The following CCDC178 variants were observed in gnomAD, a reference collection of about 807,000 sequenced individuals.
CCDC178 encodes coiled-coil domain-containing protein 178.
Under a neutral mutation model 117.4 loss-of-function variants are expected in CCDC178, and 126 were observed. The ratio of observed to expected loss-of-function variants is 1.07; its 90% confidence interval spans 0.93 to 1.24. The LOEUF is 1.24. Among genes scored for constraint, CCDC178 ranks in the 50% most tolerant of loss-of-function variants. The pLI, the probability that CCDC178 is intolerant of heterozygous loss-of-function variation, is 0.00. For synonymous variants in CCDC178, 283 were observed against 313.4 expected (o/e 0.90, Z 1.02); for missense variants, 1,030 against 986.9 (o/e 1.04, Z -0.59).
chr18:33,036,285 T>C (rs1292498684), intron 21 of CCDC178, among the ~76,000 whole-genome samples: 1 of 151,834 alleles, frequency 6.6e-6, no homozygotes, highest in Non-Finnish European at 1.5e-5. Flanking sequence ...ATTCCCCTTG[T>C]GCCTGAAAAA....
At chr18:33,011,588 G>A (rs2055866262) in intron 21 of CCDC178, among the ~76,000 whole-genome samples, 2 of 151,638 alleles carry the variant, frequency 1.3e-5, no homozygotes, top group South Asian at 4.2e-4. Context: ...CACATCATTA[G>A]CAACATGAAA....
At chr18:33,177,167 G>C (rs1469301260) in intron 20 of CCDC178, among the ~76,000 whole-genome samples, 2 of 151,912 alleles carry the variant, frequency 1.3e-5, no homozygotes, top group Admixed American at 1.3e-4. Context: ...AGAACACATG[G>C]ACACAGGGAG....
intron 20 of CCDC178, among the ~76,000 whole-genome samples, chr18:33,166,791 C>T (rs1053082826): frequency 5.9e-5 from 9 of 152,118 alleles, no homozygotes; most frequent in Non-Finnish European, 1.0e-4. Flanking sequence ...GATTTTCTAA[C>T]TTTTAGGTTC....
intron 5 of CCDC178, among the ~76,000 whole-genome samples, chr18:33,389,256 A>G (rs995466935): frequency 1.3e-5 from 2 of 152,142 alleles, no homozygotes; most frequent in African/African-American, 4.8e-5. Context: ...GAAATGTTCT[A>G]TCTAGAACAG....
intron 12 of CCDC178, among the ~76,000 whole-genome samples, chr18:33,269,288 C>G (rs1341977910): frequency 6.6e-6 from 1 of 151,738 alleles, no homozygotes; most frequent in Non-Finnish European, 1.5e-5. Flanking sequence ...AACTAACAAA[C>G]TAAAAAGGGA....
At chr18:32,960,837 AT>A (rs1260992063) in intron 22 of CCDC178, among the ~76,000 whole-genome samples, 1 of 152,108 alleles carries the variant, frequency 6.6e-6, no homozygotes, top group African/African-American at 2.4e-5. Context: ...CTTATAATTA[AT>A]TTTTTGACCC....
At chr18:33,353,328 G>C (rs545258994) in intron 7 of CCDC178, among the ~76,000 whole-genome samples, 3 of 152,132 alleles carry the variant, frequency 2.0e-5, no homozygotes, top group African/African-American at 7.2e-5. Context: ...AGACAGAATA[G>C]TTGGATTATC....
At chr18:32,942,900 TTGTC>T (rs2054271578) in intron 22 of CCDC178, among the ~76,000 whole-genome samples, 1 of 152,206 alleles carries the variant, frequency 6.6e-6, no homozygotes. Context: ...AATTGTTACT[TTGTC>T]TTTTTTTTTG....
intron 20 of CCDC178, among the ~76,000 whole-genome samples, chr18:33,195,145 G>A (rs2058915661): frequency 6.7e-6 from 1 of 149,644 alleles, no homozygotes; most frequent in Non-Finnish European, 1.5e-5. Flanking sequence ...GAGAGAGAGA[G>A]AAGAAAAAAG....
intron 9 of CCDC178, among the ~76,000 whole-genome samples, chr18:33,334,169 T>TA (rs1206258531): frequency 1.3e-5 from 2 of 151,974 alleles, no homozygotes; most frequent in African/African-American, 2.4e-5. Flanking sequence ...AAAAGTAACA[T>TA]AAAAAATGCT....
chr18:33,425,510 C>T (rs1006859410), intron 2 of CCDC178, among the ~76,000 whole-genome samples: 1 of 152,174 alleles, frequency 6.6e-6, no homozygotes, highest in African/African-American at 2.4e-5. Context: ...GCTGCTGACA[C>T]CTCCTGAGTT....
intron 18 of CCDC178, among the ~76,000 whole-genome samples, chr18:33,219,781 T>G (rs1380400031): frequency 6.6e-6 from 1 of 151,428 alleles, no homozygotes; most frequent in Non-Finnish European, 1.5e-5. Context: ...GTCATGGGGT[T>G]GGGGGTGGAG....
intron 21 of CCDC178, among the ~76,000 whole-genome samples, chr18:32,999,812 A>G (rs1423828577): frequency 6.6e-6 from 1 of 152,188 alleles, no homozygotes; most frequent in Non-Finnish European, 1.5e-5. Context: ...AGATATGGCT[A>G]TAGATACCAA....
At chr18:33,337,146 T>C (rs2062751739) in intron 9 of CCDC178, among the ~76,000 whole-genome samples, 2 of 151,778 alleles carry the variant, frequency 1.3e-5, no homozygotes, top group African/African-American at 4.8e-5. Context: ...TTTTTTTTTT[T>C]TTTTGCAGCT....
chr18:33,207,216 C>A (rs868043977), intron 20 of CCDC178, among the ~76,000 whole-genome samples: 4 of 152,034 alleles, frequency 2.6e-5, no homozygotes, highest in South Asian at 4.1e-4. Flanking sequence ...ACTAAATAAA[C>A]CTTCCTATTT....
chr18:33,364,732 C>T (rs865862549), intron 6 of CCDC178, among the ~76,000 whole-genome samples: 4,374 of 110,720 alleles, frequency 0.04, 119 homozygotes, highest in Non-Finnish European at 0.057. Flanking sequence ...GTTGTCGCTC[C>T]TTTTTTTTTT....
chr18:33,353,211 G>T (rs1197080057), intron 7 of CCDC178, among the ~76,000 whole-genome samples: 1 of 151,794 alleles, frequency 6.6e-6, no homozygotes, highest in Non-Finnish European at 1.5e-5. Flanking sequence ...TGTGATATTG[G>T]TATAGTCACT....
In CCDC178 at chr18:33,174,170, A is replaced by G. The variant is rs117158429; in HGVS notation, c.2238+37726T>C. Among the ~76,000 whole-genome samples, 949 of 152,282 alleles carry G rather than the reference A, an allele frequency of 6.2e-3. 7 individuals are homozygous for G. Among genetic ancestry groups the G allele is most frequent in the Non-Finnish European group, 8.6e-3 (588 of 68,008 alleles). On this transcript the variant is annotated intron_variant, in intron 20 of 22. Coordinates refer to ENST00000383096, the MANE Select transcript of CCDC178 (RefSeq NM_001105528.4). ...TCACACGGTGAGAATGGAGCAACAG[A>G]GAGAGAGTCGGCAGGAGGTACTTTT...
At chr18:33,050,999 G>A (rs1172333301) in intron 21 of CCDC178, among the ~76,000 whole-genome samples, 1 of 152,046 alleles carries the variant, frequency 6.6e-6, no homozygotes, top group African/African-American at 2.4e-5. Context: ...TGCAACCTCC[G>A]CTTCTCAGGT....
Sources: gnomAD v4.1 joint callset for allele counts (sites outside exome capture counted in the v4.1 genomes callset) on GRCh38, gnomAD v4.1.1 for gene constraint, MANE v1.5 for transcripts, NCBI Gene and HGNC (gene_info 2026-07-23, HGNC 2026-07-21) for gene names.